Variants in NRG1 observed in about 807,000 individuals in gnomAD.
NRG1 encodes the protein pro-neuregulin-1, membrane-bound isoform.
Under a neutral mutation model 63.8 loss-of-function variants are expected in NRG1, and 18 were observed. The ratio of observed to expected loss-of-function variants is 0.28; its 90% CI spans 0.19 to 0.42. The LOEUF is 0.42. Among genes scored for constraint, NRG1 ranks in the 10% least tolerant of loss-of-function variants. The probability of loss-of-function intolerance (pLI) is 1.00; values close to 1 mark genes in which losing one functional copy is unlikely to be tolerated. For synonymous variants in NRG1, 302 were observed against 301.3 expected, an observed-to-expected ratio of 1.00 and a Z score of -0.02; for missense variants, 762 against 814.7, an observed-to-expected ratio of 0.94 and a Z score of 0.79.
chr8:32,133,945 T>G (rs1464307341), intron 1 of NRG1, among the ~76,000 whole-genome samples: 1 of 152,244 alleles, frequency 6.6e-6, no homozygotes, highest in South Asian at 2.1e-4. Flanking sequence ...TTCAGCCACT[T>G]TTTTTTGGAA....
At chr8:32,748,408 C>T (rs1827994992) in intron 7 of NRG1, among the ~76,000 whole-genome samples, 2 of 129,754 alleles carry the variant, frequency 1.5e-5, no homozygotes, top group Non-Finnish European at 3.4e-5. Flanking sequence ...TAAAGGAAGT[C>T]CTAGAGCCTT....
intron 1 of NRG1, among the ~76,000 whole-genome samples, chr8:32,067,657 C>T (rs1825078758): frequency 6.6e-6 from 1 of 152,102 alleles, no homozygotes; most frequent in Non-Finnish European, 1.5e-5. Flanking sequence ...TACTACCAAG[C>T]ATTTGACTTT....
At chr8:32,507,799 G>T (rs1390421650) in intron 1 of NRG1, among the ~76,000 whole-genome samples, 3 of 152,070 alleles carry the variant, frequency 2.0e-5, no homozygotes, top group Non-Finnish European at 4.4e-5. Flanking sequence ...CCAGGTTCAA[G>T]CAATTCTCAT....
chr8:31,976,401 A>G (rs940359420), intron 1 of NRG1, among the ~76,000 whole-genome samples: 1 of 152,080 alleles, frequency 6.6e-6, no homozygotes, highest in Non-Finnish European at 1.5e-5. Flanking sequence ...CTGTATATTA[A>G]CCATATGTTC....
intron 1 of NRG1, among the ~76,000 whole-genome samples, chr8:31,655,600 T>C (rs554084417): frequency 6.6e-6 from 1 of 152,300 alleles, no homozygotes; most frequent in South Asian, 2.1e-4. Context: ...GGATTCCAGA[T>C]TTTATCTTAA....
At chr8:31,819,035 CAG>C (rs1823742061) in intron 1 of NRG1, among the ~76,000 whole-genome samples, 1 of 151,986 alleles carries the variant, frequency 6.6e-6, no homozygotes, top group Admixed American at 6.6e-5. Flanking sequence ...GCCCGGGCGA[CAG>C]AGTGAGACTT....
intron 1 of NRG1, among the ~76,000 whole-genome samples, chr8:32,368,623 G>A (rs944672682): frequency 3.9e-5 from 6 of 152,120 alleles, no homozygotes; most frequent in Non-Finnish European, 5.9e-5. Context: ...TGCTAATTTA[G>A]CTTGTTCAAG....
At chr8:32,071,635 G>T (rs1825771392) in intron 1 of NRG1, among the ~76,000 whole-genome samples, 1 of 152,164 alleles carries the variant, frequency 6.6e-6, no homozygotes. Flanking sequence ...TGGGCAGTGG[G>T]ATGAGGCAAT....
intron 1 of NRG1, among the ~76,000 whole-genome samples, chr8:31,704,485 T>C (rs907822001): frequency 2.6e-5 from 4 of 152,162 alleles, no homozygotes; most frequent in Non-Finnish European, 5.9e-5. Context: ...TTCCATTAAA[T>C]CCTGAAAGCT....
intron 5 of NRG1, among the ~76,000 whole-genome samples, chr8:32,660,792 G>A (rs1487399277): frequency 6.6e-6 from 1 of 152,176 alleles, no homozygotes; most frequent in Non-Finnish European, 1.5e-5. Context: ...TTCATAAAGT[G>A]TTTGGAATAG....
At chr8:32,152,348 A>G (rs1294070433) in intron 1 of NRG1, among the ~76,000 whole-genome samples, 1 of 152,238 alleles carries the variant, frequency 6.6e-6, no homozygotes, top group Non-Finnish European at 1.5e-5. Flanking sequence ...TAAAGAGTTT[A>G]TACATCATAT....
At chr8:32,287,031 T>C (rs528558350) in intron 1 of NRG1, 4 of 152,332 alleles carry the variant, frequency 2.6e-5, no homozygotes, top group Non-Finnish European at 5.9e-5. Flanking sequence ...AAAACCTCCA[T>C]GCTTCTTGTA....
intron 5 of NRG1, among the ~76,000 whole-genome samples, chr8:32,698,616 A>G (rs1357467512): frequency 1.3e-5 from 2 of 152,190 alleles, no homozygotes; most frequent in African/African-American, 4.8e-5. Flanking sequence ...GGAGGAGGTG[A>G]GCCGGGGAAC....
At chr8:32,769,559 T>A (rs950815631), downstream of NRG1, among the ~76,000 whole-genome samples, 2 of 152,200 alleles carry the variant, frequency 1.3e-5, no homozygotes, top group Admixed American at 1.3e-4. Context: ...AGACTCAAGA[T>A]GCTGGAAGGA....
intron 1 of NRG1, among the ~76,000 whole-genome samples, chr8:32,150,199 A>C (rs540368084): frequency 6.7e-6 from 1 of 149,202 alleles, no homozygotes; most frequent in Admixed American, 6.8e-5. Context: ...GGGAAAAAAA[A>C]CCCAAAAGGT....
At chr8:32,083,337 G>T (rs1343528709) in intron 1 of NRG1, among the ~76,000 whole-genome samples, 1 of 152,310 alleles carries the variant, frequency 6.6e-6, no homozygotes, top group Non-Finnish European at 1.5e-5. Flanking sequence ...CAAGTGTGTT[G>T]GGTTGGCCTT....
chr8:32,457,114 G>A (rs562250041), intron 1 of NRG1, among the ~76,000 whole-genome samples: 7 of 151,942 alleles, frequency 4.6e-5, no homozygotes, highest in Middle Eastern at 3.2e-3. Context: ...CCTAAGTGAC[G>A]GAGTGAGACT....
At chr8:31,900,680 A>T (rs1397757096) in intron 1 of NRG1, among the ~76,000 whole-genome samples, 1 of 152,194 alleles carries the variant, frequency 6.6e-6, no homozygotes, top group Non-Finnish European at 1.5e-5. Context: ...CATCCTGAAC[A>T]TATCCCATCC....
chr8:32,078,263 G>C (rs1442441177), intron 1 of NRG1, among the ~76,000 whole-genome samples: 1 of 152,120 alleles, frequency 6.6e-6, no homozygotes, highest in Non-Finnish European at 1.5e-5. Flanking sequence ...TGGTTTAAAA[G>C]AGTCTGGTGA....
Sources: gnomAD v4.1 joint callset for allele counts (sites outside exome capture counted in the v4.1 genomes callset) on GRCh38, gnomAD v4.1.1 for gene constraint, MANE v1.5 for transcripts, NCBI Gene and HGNC (gene_info 2026-07-23, HGNC 2026-07-21) for gene names.